The following PCDH15 variants were observed in gnomAD, a reference collection of about 807,000 sequenced individuals.
The protein encoded by PCDH15 is protocadherin-15.
A neutral mutation model predicts 178.5 loss-of-function variants in PCDH15; 129 were observed. The observed-to-expected ratio is 0.72, with a 90% CI of 0.63 to 0.84. The LOEUF (loss-of-function observed/expected upper bound fraction) is 0.84, where lower values mean the gene tolerates loss of function less well. Ranked by LOEUF, PCDH15 falls within the 40% of genes least tolerant of loss-of-function variation. PCDH15 has a pLI of 0.00. For missense variants in PCDH15, 2,230 were observed against 2,099.9 expected (o/e 1.06, Z -1.21); for synonymous variants, 800 against 732.0 (o/e 1.09, Z -1.50).
chr10:53,828,064 G>T (rs1309797838), intron 31 of PCDH15, among the ~76,000 whole-genome samples: 6 of 151,826 alleles, frequency 4.0e-5, no homozygotes, highest in African/African-American at 1.5e-4. Context: ...GCCTAGGCCG[G>T]GCACGGTGGC....
intron 1 of PCDH15, among the ~76,000 whole-genome samples, chr10:54,785,966 A>G (rs1950833002): frequency 1.3e-5 from 2 of 152,008 alleles, no homozygotes; most frequent in Admixed American, 1.3e-4. Context: ...TCCTAGAGCT[A>G]TAGACTGAAG....
intron 2 of PCDH15, among the ~76,000 whole-genome samples, chr10:55,611,258 C>A (rs1378218473): frequency 6.6e-6 from 1 of 151,932 alleles, no homozygotes; most frequent in Non-Finnish European, 1.5e-5. Flanking sequence ...ATTTGCAAAT[C>A]ATAGGTCTGA....
At chr10:54,514,668 A>C (rs1159599469) in intron 3 of PCDH15, among the ~76,000 whole-genome samples, 3 of 27,076 alleles carry the variant, frequency 1.1e-4, no homozygotes, top group Non-Finnish European at 2.1e-4. Context: ...AATAGACTTC[A>C]AAAAAAAAAA....
chr10:55,284,894 A>G (rs574877229), intron 1 of PCDH15, among the ~76,000 whole-genome samples: 1 of 152,050 alleles, frequency 6.6e-6, no homozygotes, highest in East Asian at 1.9e-4. Context: ...CTTCTTCTGA[A>G]TATTCATAGG....
Position 53,934,835 on chromosome 10 carries a change from G to A in PCDH15, c.3373+3980C>T, listed in dbSNP as rs1448926660. The stretch of plus-strand genomic sequence containing the variant: ...GTGCTCCAGCATAAGTTCCAATAAC[G>A]CCTGGAGTCTGGGAAATTTTCTTAG... On this transcript the variant is annotated intron_variant, in intron 25 of 37. Coordinates refer to ENST00000644397, the MANE Select transcript of PCDH15 (RefSeq NM_001384140.1). Among the ~76,000 whole-genome samples the A allele has an allele frequency of 2.6e-5, 4 of 151,672 alleles. No individual in the cohort carries two copies. In the South Asian group the frequency reaches 6.2e-4, roughly 24 times the overall value.
At chr10:55,092,995 C>T (rs1323813977) in intron 2 of PCDH15, among the ~76,000 whole-genome samples, 1 of 151,910 alleles carries the variant, frequency 6.6e-6, no homozygotes, top group Non-Finnish European at 1.5e-5. Flanking sequence ...ATGTGAGATG[C>T]TATTAATAAA....
chr10:54,169,310 C>T (rs1170373499), intron 13 of PCDH15, among the ~76,000 whole-genome samples: 3 of 73,010 alleles, frequency 4.1e-5, no homozygotes, highest in African/African-American at 6.3e-5. Context: ...AAGGTAAGCC[C>T]GTCCCCTTCT....
At chr10:54,265,008 T>G (rs1397420592) in intron 8 of PCDH15, among the ~76,000 whole-genome samples, 4 of 151,884 alleles carry the variant, frequency 2.6e-5, no homozygotes, top group African/African-American at 7.3e-5. Context: ...CAGACACAGC[T>G]AGAGAAAAGA....
At chr10:54,546,142 C>A (rs1335305060) in intron 2 of PCDH15, among the ~76,000 whole-genome samples, 2 of 152,230 alleles carry the variant, frequency 1.3e-5, no homozygotes, top group African/African-American at 4.8e-5. Flanking sequence ...CTCTCATGAT[C>A]TTGCCGCTGT....
At chr10:55,076,872 G>A (rs1479783303) in intron 2 of PCDH15, among the ~76,000 whole-genome samples, 2 of 149,090 alleles carry the variant, frequency 1.3e-5, no homozygotes, top group East Asian at 2.0e-4. Context: ...TGGTTCAAGC[G>A]ATTCTCCTGC....
chr10:55,212,014 G>A (rs1183806469), intron 1 of PCDH15, among the ~76,000 whole-genome samples: 9 of 152,058 alleles, frequency 5.9e-5, no homozygotes, highest in Non-Finnish European at 1.2e-4. Context: ...AAGCTTGCAC[G>A]GTGGAATGCC....
chr10:53,963,615 T>C (rs2088611140), intron 21 of PCDH15, among the ~76,000 whole-genome samples: 1 of 143,790 alleles, frequency 7.0e-6, no homozygotes, highest in South Asian at 2.3e-4. Flanking sequence ...AGATATGCTA[T>C]TTTCAAATAA....
intron 9 of PCDH15, among the ~76,000 whole-genome samples, chr10:54,222,417 A>T (rs2052939685): frequency 6.6e-6 from 1 of 152,240 alleles, no homozygotes; most frequent in African/African-American, 2.4e-5. Context: ...AATGACATTT[A>T]GATGGAATTG....
chr10:55,498,098 T>C (rs1840576315), intron 2 of PCDH15, among the ~76,000 whole-genome samples: 1 of 151,874 alleles, frequency 6.6e-6, no homozygotes, highest in Admixed American at 6.6e-5. Context: ...GTAAAATGAC[T>C]GGGCAATTGA....
chr10:53,871,436 TTATA>T (rs2079842109), intron 26 of PCDH15, among the ~76,000 whole-genome samples: 1 of 140,138 alleles, frequency 7.1e-6, no homozygotes, highest in South Asian at 2.4e-4. Context: ...TTTTAAAATT[TTATA>T]TATATTCATA....
intron 1 of PCDH15, among the ~76,000 whole-genome samples, chr10:54,723,067 A>G (rs1941907228): frequency 1.3e-5 from 2 of 151,722 alleles, no homozygotes; most frequent in Admixed American, 1.3e-4. Context: ...GATGGAAGCA[A>G]AATAGATCCC....
intron 2 of PCDH15, among the ~76,000 whole-genome samples, chr10:54,911,664 G>T (rs1954821285): frequency 6.6e-6 from 1 of 152,248 alleles, no homozygotes; most frequent in East Asian, 1.9e-4. Context: ...TCAAGGGAGG[G>T]ACCAGGTGGA....
At chr10:53,936,484 A>G (rs2926392) in intron 25 of PCDH15, among the ~76,000 whole-genome samples, 5,391 of 152,228 alleles carry the variant, frequency 0.035, 287 homozygotes, top group African/African-American at 0.12. Flanking sequence ...ATAGAGGAAC[A>G]ACTATTTCCC....
At chr10:54,133,641 G>T (rs1348497253) in intron 14 of PCDH15, among the ~76,000 whole-genome samples, 1 of 152,044 alleles carries the variant, frequency 6.6e-6, no homozygotes, top group Non-Finnish European at 1.5e-5. Flanking sequence ...TTTTCTTGAA[G>T]GACAAGATAC....
Sources: allele counts gnomAD v4.1 joint callset (sites outside exome capture counted in the v4.1 genomes callset), GRCh38; gene constraint gnomAD v4.1.1; transcripts MANE v1.5; gene names NCBI Gene and HGNC (gene_info 2026-07-23, HGNC 2026-07-21).